SPTBN1: variants seen among roughly 807,000 people sequenced by gnomAD.
The protein encoded by SPTBN1 is spectrin beta, non-erythrocytic 1, also known as spectrin beta chain, non-erythrocytic 1.
In SPTBN1, 32 loss-of-function variants were observed where a neutral mutation model predicts 266.4. The ratio of observed to expected loss-of-function variants is 0.12; its 90% confidence interval spans 0.09 to 0.16. The LOEUF (loss-of-function observed/expected upper bound fraction) is 0.16. SPTBN1 is among the 10% of genes least tolerant of loss of function. SPTBN1 has a pLI of 1.00. For synonymous variants in SPTBN1, 1,336 were observed against 1,162.2 expected (o/e 1.15, Z -3.04); for missense variants, 2,296 against 3,067.1 (o/e 0.75, Z 5.94).
At chr2:54,508,021 G>T (rs1276759727) in intron 1 of SPTBN1, among the ~76,000 whole-genome samples, 2 of 152,142 alleles carry the variant, frequency 1.3e-5, no homozygotes, top group Non-Finnish European at 2.9e-5. Flanking sequence ...GACTTCATCA[G>T]GGTGAAAGTA....
chr2:54,617,789 T>G (rs7569127), intron 6 of SPTBN1, 101 bp downstream of exon 6: 210,360 of 1,146,896 alleles, frequency 0.18, 22,423 homozygotes, highest in African/African-American at 0.41. Flanking sequence ...CTTAACTGTC[T>G]CACCGTGGTG....
intron 1 of SPTBN1, chr2:54,457,124 A>ACC (rs1693085122): frequency 1.3e-5 from 1 of 77,976 alleles, no homozygotes; most frequent in African/African-American, 5.2e-5. Context: ...CCTCCGCCCC[A>ACC]TCCCTGCGCT....
chr2:54,669,179 G>C lies in SPTBN1; in HGVS notation c.*610G>C, dbSNP rs1260433888. ...CTGCATCAACTGCTATGACGGTTAA[G>C]AATGTCAGTATACAAGAAGGAATAG... is the stretch of plus-strand genomic sequence containing the variant. On this transcript the variant is annotated 3_prime_UTR_variant, in exon 36 of 36. Coordinates refer to ENST00000356805, the MANE Select transcript of SPTBN1 (RefSeq NM_003128.3). The C allele has an allele frequency of 1.3e-5, 2 of 151,904 alleles. No homozygotes were observed. Among genetic ancestry groups the C allele is most frequent in the Non-Finnish European group, 2.9e-5 (2 of 68,164 alleles). The allele number at this position is 151,904 out of a possible 1,614,324, so 9.4% of individuals were successfully genotyped here. A position where few individuals can be genotyped will look rare whatever the true frequency, so the allele number is the denominator to read the frequency against.
At chr2:54,583,321 C>T (rs745673345) in intron 2 of SPTBN1, among the ~76,000 whole-genome samples, 2 of 152,138 alleles carry the variant, frequency 1.3e-5, no homozygotes, top group African/African-American at 2.4e-5. Flanking sequence ...TCTGCTTCTG[C>T]GTCTATCCTT....
chr2:54,651,955 A>C (rs902275400), intron 26 of SPTBN1, among the ~76,000 whole-genome samples: 2 of 152,052 alleles, frequency 1.3e-5, no homozygotes, highest in Non-Finnish European at 2.9e-5. Flanking sequence ...GCTTCTGTGC[A>C]ATCAGGGGTC....
At chr2:54,474,848 C>A (rs1427748046) in intron 1 of SPTBN1, among the ~76,000 whole-genome samples, 1 of 152,016 alleles carries the variant, frequency 6.6e-6, no homozygotes, top group Non-Finnish European at 1.5e-5. Flanking sequence ...TATGTTACTT[C>A]TATAATTTGA....
rs750501359 is a variant in SPTBN1, at chr2:54,637,814, C to A, written c.3858+11C>A. On this transcript the variant is annotated intron_variant, in intron 18 of 35. Coordinates refer to ENST00000356805, the MANE Select transcript of SPTBN1 (RefSeq NM_003128.3). ...CAAGATTGTCAAGAGGTATGTTACT[C>A]TTTAATCCCTCTATTCCTGTGTTCC... The A allele has an allele frequency of 1.9e-6, 3 of 1,606,094 alleles. No individual in the cohort carries two copies. Among genetic ancestry groups the A allele is most frequent in the Non-Finnish European group, 1.7e-6 (2 of 1,173,282 alleles).
At chr2:54,583,620 A>G (rs1378978707) in intron 2 of SPTBN1, among the ~76,000 whole-genome samples, 3 of 152,214 alleles carry the variant, frequency 2.0e-5, no homozygotes, top group Admixed American at 6.5e-5. Context: ...GTCTCCATCT[A>G]TTACAAGGAA....
At chr2:54,461,951 A>G (rs1693389160) in intron 1 of SPTBN1, among the ~76,000 whole-genome samples, 2 of 152,020 alleles carry the variant, frequency 1.3e-5, no homozygotes, top group African/African-American at 2.4e-5. Context: ...TGTGAGGGTA[A>G]TTTTCTTATT....
At chr2:54,650,248 T>G (rs980949143) in intron 26 of SPTBN1, among the ~76,000 whole-genome samples, 6 of 152,244 alleles carry the variant, frequency 3.9e-5, no homozygotes, top group African/African-American at 1.2e-4. Context: ...CACAGATGTT[T>G]GCAAGTTATA....
intron 2 of SPTBN1, among the ~76,000 whole-genome samples, chr2:54,582,688 T>A (rs1675019967): frequency 6.6e-6 from 1 of 152,192 alleles, no homozygotes; most frequent in Non-Finnish European, 1.5e-5. Flanking sequence ...AGAGATTTAA[T>A]TCAGTGTGGT....
At chr2:54,468,132 C>T (rs1573209670) in intron 1 of SPTBN1, among the ~76,000 whole-genome samples, 1 of 151,944 alleles carries the variant, frequency 6.6e-6, no homozygotes, top group South Asian at 2.1e-4. Context: ...CATAGTGAAA[C>T]TTTGTCTCTA....
intron 1 of SPTBN1, among the ~76,000 whole-genome samples, chr2:54,515,094 C>T (rs762836236): frequency 6.6e-5 from 10 of 152,110 alleles, no homozygotes; most frequent in Non-Finnish European, 1.3e-4. Context: ...AGACCCTGTC[C>T]TCGATGGATC....
intron 1 of SPTBN1, among the ~76,000 whole-genome samples, chr2:54,478,647 G>A (rs936334581): frequency 6.6e-6 from 1 of 152,180 alleles, no homozygotes; most frequent in Non-Finnish European, 1.5e-5. Flanking sequence ...AGTACTTGGT[G>A]TCCTTGCAAC....
At chr2:54,479,020 C>CA (rs1045188230) in intron 1 of SPTBN1, among the ~76,000 whole-genome samples, 3 of 152,094 alleles carry the variant, frequency 2.0e-5, no homozygotes, top group African/African-American at 7.2e-5. Flanking sequence ...ATAAAAATAA[C>CA]AAACAACTGA....
chr2:54,461,006 A>C (rs1573194434), intron 1 of SPTBN1, among the ~76,000 whole-genome samples: 1 of 152,290 alleles, frequency 6.6e-6, no homozygotes, highest in East Asian at 1.9e-4. Flanking sequence ...CTGTCTCAAA[A>C]AAATAAAAAT....
At position 54,664,878 on chromosome 2, in the gene SPTBN1, GAGA is replaced by G. The variant is rs1681274679; in HGVS notation, c.6659+194_6659+196del. 11 of 627,772 alleles carry G rather than the reference GAGA, an allele frequency of 1.8e-5. 1 individual carries two copies. The highest frequency in any genetic ancestry group is 1.5e-4 in the South Asian group (7 of 47,888). 38.9% of individuals were successfully genotyped at this position (627,772 alleles called of 1,614,324 possible). A position where few individuals can be genotyped will look rare whatever the true frequency, so the allele number is the denominator to read the frequency against. On this transcript the variant is annotated intron_variant, in intron 33 of 35. Transcript: ENST00000356805. The surrounding 1 kb of genome is among the most constrained non-coding windows in gnomAD (Gnocchi z 5.6). ...GAGTAGAATGCTGGTTATTCACTGAGAGAAGAAGAGTTGAGTTTGGATGGGAGT... is the reference window on the plus strand; with the variant it reads ...GAGTAGAATGCTGGTTATTCACTGAGAGAAGAGTTGAGTTTGGATGGGAGT...
At chr2:54,521,674 C>T (rs893936514) in intron 1 of SPTBN1, among the ~76,000 whole-genome samples, 4 of 150,840 alleles carry the variant, frequency 2.7e-5, no homozygotes, top group Admixed American at 6.6e-5. Flanking sequence ...CCACCGTGCC[C>T]GGCTAATTTT....
chr2:54,622,173 TG>T, intron 8 of SPTBN1, 126 bp from the exon 9 acceptor site: 1 of 920,114 alleles, frequency 1.1e-6, no homozygotes, highest in Non-Finnish European at 1.6e-6. Context: ...ACAGCTGAAC[TG>T]TTTCAGAGCT....
Sources: allele counts gnomAD v4.1 joint callset (sites outside exome capture counted in the v4.1 genomes callset), GRCh38; gene constraint gnomAD v4.1.1; non-coding constraint Gnocchi (gnomAD v3.1); transcripts MANE v1.5; gene names NCBI Gene and HGNC (gene_info 2026-07-23, HGNC 2026-07-21).